Variants in NRG3 observed in about 807,000 individuals in gnomAD.
NRG3 encodes the protein neuregulin 3.
A neutral mutation model predicts 66.9 loss-of-function variants in NRG3; 31 were observed. The ratio of observed to expected loss-of-function variants is 0.46; its 90% CI spans 0.35 to 0.63. The LOEUF is 0.63. Among genes scored for constraint, NRG3 ranks in the 20% least tolerant of loss-of-function variants. The probability of loss-of-function intolerance (pLI) is 0.00; values close to 1 mark genes in which losing one functional copy is unlikely to be tolerated. For missense variants in NRG3, 910 were observed against 878.9 expected, an observed-to-expected ratio of 1.04 and a Z score of -0.45; for synonymous variants, 393 against 359.4, an observed-to-expected ratio of 1.09 and a Z score of -1.06.
intron 3 of NRG3, among the ~76,000 whole-genome samples, chr10:82,747,877 A>C (rs1419235734): frequency 2.0e-5 from 3 of 151,878 alleles, no homozygotes. Flanking sequence ...TCCTTAGCCT[A>C]AGAATGAAAT....
At chr10:82,568,021 G>T (rs1472912649) in intron 2 of NRG3, among the ~76,000 whole-genome samples, 1 of 151,912 alleles carries the variant, frequency 6.6e-6, no homozygotes, top group Non-Finnish European at 1.5e-5. Flanking sequence ...CCTTAGTTTT[G>T]TCATTTCTTA....
chr10:82,064,780 C>T (rs779821523), intron 1 of NRG3, among the ~76,000 whole-genome samples: 1 of 152,174 alleles, frequency 6.6e-6, no homozygotes, highest in African/African-American at 2.4e-5. Context: ...TTTAGCTGAA[C>T]ATTGTCCTCT....
intron 1 of NRG3, among the ~76,000 whole-genome samples, chr10:82,209,154 C>T (rs10786965): frequency 0.53 from 80,524 of 151,938 alleles, 22,085 homozygotes; most frequent in Non-Finnish European, 0.6. Flanking sequence ...ATCAGAAATT[C>T]TCAGAATATG....
chr10:82,867,097 G>C (rs1171167437), intron 4 of NRG3, among the ~76,000 whole-genome samples: 1 of 152,122 alleles, frequency 6.6e-6, no homozygotes, highest in East Asian at 1.9e-4. Flanking sequence ...AAAAAATAGA[G>C]CCCACGTTAT....
intron 2 of NRG3, among the ~76,000 whole-genome samples, chr10:82,552,140 G>T (rs544302252): frequency 1.5e-4 from 23 of 152,132 alleles, no homozygotes; most frequent in African/African-American, 5.1e-4. Context: ...ATTGAGGGTT[G>T]AAAATGGTGA....
intron 2 of NRG3, among the ~76,000 whole-genome samples, chr10:82,361,231 T>G (rs1270948511): frequency 6.6e-6 from 1 of 152,214 alleles, no homozygotes; most frequent in African/African-American, 2.4e-5. Context: ...TATTTAATAA[T>G]TTTGGCCTTC....
chr10:82,510,717 G>A (rs188161743), intron 2 of NRG3, among the ~76,000 whole-genome samples: 11 of 152,262 alleles, frequency 7.2e-5, no homozygotes, highest in Admixed American at 2.0e-4. Context: ...TTTTATCTCC[G>A]TATCCTTGAT....
At chr10:82,691,754 C>G (rs139466599) in intron 2 of NRG3, among the ~76,000 whole-genome samples, 1 of 152,190 alleles carries the variant, frequency 6.6e-6, no homozygotes, top group Non-Finnish European at 1.5e-5. Context: ...AATTCTCACA[C>G]AAACCTACAC....
intron 3 of NRG3, among the ~76,000 whole-genome samples, chr10:82,849,033 C>T (rs888030786): frequency 6.6e-6 from 1 of 152,124 alleles, no homozygotes; most frequent in Non-Finnish European, 1.5e-5. Flanking sequence ...GTCCTAATAC[C>T]AGTAACTCCA....
At chr10:82,936,663 C>T (rs1040261278) in intron 4 of NRG3, among the ~76,000 whole-genome samples, 5 of 151,924 alleles carry the variant, frequency 3.3e-5, no homozygotes, top group Admixed American at 2.6e-4. Context: ...TTAATCAGCT[C>T]GATTTAACCA....
intron 1 of NRG3, among the ~76,000 whole-genome samples, chr10:82,347,973 G>C (rs2083146722): frequency 6.6e-6 from 1 of 151,894 alleles, no homozygotes; most frequent in South Asian, 2.1e-4. Context: ...CTGCATGTGA[G>C]ATGGGTTTCC....
intron 3 of NRG3, among the ~76,000 whole-genome samples, chr10:82,750,846 G>C (rs2058834038): frequency 6.6e-6 from 1 of 151,982 alleles, no homozygotes; most frequent in African/African-American, 2.4e-5. Context: ...GGGGTCAAGA[G>C]CAAAACATTC....
At chr10:82,126,785 C>T (rs2068473297) in intron 1 of NRG3, among the ~76,000 whole-genome samples, 1 of 151,974 alleles carries the variant, frequency 6.6e-6, no homozygotes, top group Non-Finnish European at 1.5e-5. Flanking sequence ...TCTCTGCAAC[C>T]TGCGTAAGTT....
intron 2 of NRG3, among the ~76,000 whole-genome samples, chr10:82,627,919 A>G (rs565887411): frequency 6.6e-6 from 1 of 152,304 alleles, no homozygotes; most frequent in South Asian, 2.1e-4. Context: ...AGGCAGTACA[A>G]TCTCAGTGCT....
rs76818961 is a variant in NRG3, at chr10:82,790,042, A to G, written c.1027+51392A>G. ...TTGCACTGTTATCATTAGCATATGC[A>G]TATGACTTTATGCATCATAATATAA... On this transcript the variant is annotated intron_variant, in intron 3 of 8. Coordinates refer to ENST00000372141, the MANE Select transcript of NRG3 (RefSeq NM_001010848.4). 6.9e-3 allele frequency among the ~76,000 whole-genome samples: 1,044 copies of G among 152,246 alleles called. 13 individuals are homozygous for G. Among genetic ancestry groups the G allele is most frequent in the African/African-American group, 0.024 (1,006 of 41,578 alleles).
At chr10:82,396,946 G>T (rs1044000516) in intron 2 of NRG3, among the ~76,000 whole-genome samples, 1 of 152,106 alleles carries the variant, frequency 6.6e-6, no homozygotes, top group African/African-American at 2.4e-5. Flanking sequence ...CAACCCTTTA[G>T]AATCTGTAGT....
chr10:82,335,976 C>T (rs2082364764), intron 1 of NRG3, among the ~76,000 whole-genome samples: 1 of 152,132 alleles, frequency 6.6e-6, no homozygotes, highest in African/African-American at 2.4e-5. Flanking sequence ...CAGATGGTTT[C>T]TTTCACAACT....
chr10:82,458,799 C>T (rs1564945020), intron 2 of NRG3, among the ~76,000 whole-genome samples: 1 of 152,174 alleles, frequency 6.6e-6, no homozygotes, highest in Non-Finnish European at 1.5e-5. Flanking sequence ...GAGTTGAATA[C>T]TCACATAAAG....
At chr10:82,790,178 A>G (rs979507367) in intron 3 of NRG3, among the ~76,000 whole-genome samples, 1 of 152,116 alleles carries the variant, frequency 6.6e-6, no homozygotes, top group African/African-American at 2.4e-5. Flanking sequence ...AGTTATCTTT[A>G]TGGGTACCCT....
Sources: allele counts gnomAD v4.1 joint callset (sites outside exome capture counted in the v4.1 genomes callset), GRCh38; gene constraint gnomAD v4.1.1; transcripts MANE v1.5; gene names NCBI Gene and HGNC (gene_info 2026-07-23, HGNC 2026-07-21).